Variants in KRTAP13-3 observed in about 807,000 individuals in gnomAD.
KRTAP13-3 encodes keratin-associated protein 13-3.
For missense variants in KRTAP13-3, 243 were observed against 202.8 expected (o/e 1.20, Z -1.20); for synonymous variants, 98 against 79.4 (o/e 1.23, Z -1.25).
At position 30,425,802 on chromosome 21, in the gene KRTAP13-3, G is replaced by A. The variant is rs148670815; in HGVS notation, c.111C>T (p.Ser37=). 8.1e-4 allele frequency: 1,301 copies of A among 1,614,188 alleles called. 6 individuals carry two copies. The African/African-American group carries it at 0.016, about 20-fold the overall frequency. Residue 37 remains serine, a synonymous_variant, in exon 1 of 1, where the codon AGC becomes AGT. Coordinates refer to ENST00000390690, the Ensembl canonical transcript of KRTAP13-3. ...AGGTGCTGGGAGAGCAGAGGTCAGT[G>A]CTGTAGACCAGGTTGCTGGGGTAGG...
At chr21:30,425,734 C>T in exon 1 of KRTAP13-3, 2 of 1,614,184 alleles carry the variant, frequency 1.2e-6, no homozygotes, top group Non-Finnish European at 1.7e-6. Flanking sequence ...GGGCCTCCAG[C>T]AGGTCTCCTG....
At chr21:30,425,506 G>A (rs375175044) in exon 1 of KRTAP13-3, 1 of 1,613,918 alleles carries the variant, frequency 6.2e-7, no homozygotes, top group Non-Finnish European at 8.5e-7. Context: ...GGAAGGGGAG[G>A]TATGGATTCT....
rs201193615 is a variant in KRTAP13-3, at chr21:30,425,463, G to C, written c.450C>G (p.Ile150Met). Residue 150 changes from isoleucine to methionine, a missense_variant, in exon 1 of 1, where the codon ATC (isoleucine) becomes ATG (methionine). Transcript: ENST00000390690. Reference sequence around the variant, plus strand: ...GGAACCACCTTCTAGGTGGAAAATAGATTGGATGGCAGAATCTGGATCTAT... The same window carrying C: ...GGAACCACCTTCTAGGTGGAAAATACATTGGATGGCAGAATCTGGATCTAT... 24 of 1,610,454 alleles carry C rather than the reference G, an allele frequency of 1.5e-5. No individual in the cohort carries two copies. The Admixed American group carries it at 3.0e-4, about 20-fold the overall frequency.
chr21:30,425,779 G>T, exon 1 of KRTAP13-3: 1 of 1,614,232 alleles, frequency 6.2e-7, no homozygotes, highest in Non-Finnish European at 8.5e-7. Context: ...CAGCTGGCAG[G>T]TGCTGGGAGA....
At chr21:30,425,710 G>A (rs777634902) in exon 1 of KRTAP13-3, 1 of 1,613,990 alleles carries the variant, frequency 6.2e-7, no homozygotes, top group African/African-American at 1.3e-5. Context: ...AACACACAAT[G>A]TCTGACAGCT....
chr21:30,425,428 C>T (rs757298856), exon 1 of KRTAP13-3: 45 of 1,584,882 alleles, frequency 2.8e-5, no homozygotes, highest in Non-Finnish European at 6.9e-6. Flanking sequence ...TGGCTGATAA[C>T]AAGATGAATG....
chr21:30,425,663 T>C (rs1479551525), exon 1 of KRTAP13-3: 2 of 1,614,060 alleles, frequency 1.2e-6, no homozygotes, highest in East Asian at 2.2e-5. Context: ...ATGTGAGTCC[T>C]GGGGTAGTAG....
chr21:30,425,665 G>T (rs1984278800), exon 1 of KRTAP13-3: 7 of 1,614,156 alleles, frequency 4.3e-6, no homozygotes, highest in Non-Finnish European at 5.9e-6. Context: ...GTGAGTCCTG[G>T]GGTAGTAGCA....
At chr21:30,425,550 G>A (rs776886653) in exon 1 of KRTAP13-3, 15 of 1,613,982 alleles carry the variant, frequency 9.3e-6, no homozygotes, top group Admixed American at 3.3e-5. Flanking sequence ...TGGATCCACA[G>A]CCCAGTGAGG....
At chr21:30,425,424 A>T in the KRTAP13-3 span, 1 of 1,581,780 alleles carries the variant, frequency 6.3e-7, no homozygotes. Flanking sequence ...AGAATGGCTG[A>T]TAACAAGATG....
At chr21:30,425,883 G>C in exon 1 of KRTAP13-3, 4 of 1,613,570 alleles carry the variant, frequency 2.5e-6, no homozygotes, top group Non-Finnish European at 3.4e-6. Context: ...AGCAGGAGGA[G>C]AAGTTTCTAG....
exon 1 of KRTAP13-3, chr21:30,425,412 A>G: frequency 1.9e-6 from 3 of 1,569,338 alleles, no homozygotes; most frequent in South Asian, 1.2e-5. Context: ...AACCAGATCT[A>G]CAGAATGGCT....
exon 1 of KRTAP13-3, chr21:30,425,868 G>A (rs761771197): frequency 9.9e-6 from 16 of 1,613,854 alleles, no homozygotes; most frequent in African/African-American, 4.0e-5. Flanking sequence ...AGTAACCCCC[G>A]TGGGAGCAGG....
exon 1 of KRTAP13-3, chr21:30,425,387 A>T: frequency 6.5e-7 from 1 of 1,533,474 alleles, no homozygotes; most frequent in Non-Finnish European, 8.8e-7. Flanking sequence ...ACCAGTCACC[A>T]CATTAGTCAG....
chr21:30,425,447 T>G, exon 1 of KRTAP13-3: 2 of 1,603,678 alleles, frequency 1.2e-6, no homozygotes, highest in Non-Finnish European at 1.7e-6. Flanking sequence ...TGGAACCACC[T>G]TCTAGGTGGA....
Position 30,425,867 on chromosome 21 carries a change from C to T in KRTAP13-3, c.46G>A (p.Gly16Arg), listed in dbSNP as rs201460500. ...GAGCCTGGGTAGTGCAAGTAACCCCCGTGGGAGCAGGAGGAGAAGTTTCTA... is the reference window on the plus strand; with the variant it reads ...GAGCCTGGGTAGTGCAAGTAACCCCTGTGGGAGCAGGAGGAGAAGTTTCTA... Residue 16 changes from glycine (G) to arginine (R), a missense_variant, in exon 1 of 1, where the codon GGG (glycine) becomes AGG (arginine). Transcript: ENST00000390690. 3.7e-5 allele frequency: 60 copies of T among 1,613,862 alleles called. No homozygotes were observed. In the East Asian group the frequency reaches 8.2e-4, roughly 22 times the overall value.
exon 1 of KRTAP13-3, chr21:30,425,458 A>C: frequency 6.2e-7 from 1 of 1,609,314 alleles, no homozygotes; most frequent in Non-Finnish European, 8.5e-7. Context: ...TCTAGGTGGA[A>C]AATAGATTGG....
At chr21:30,425,873 A>T (rs1264771191) in exon 1 of KRTAP13-3, 1 of 1,613,870 alleles carries the variant, frequency 6.2e-7, no homozygotes, top group African/African-American at 1.3e-5. Flanking sequence ...CCCCCGTGGG[A>T]GCAGGAGGAG....
At chr21:30,425,381 G>C (rs776094943) in exon 1 of KRTAP13-3, 1 of 1,522,586 alleles carries the variant, frequency 6.6e-7, no homozygotes. Flanking sequence ...AGTTTTACCA[G>C]TCACCACATT....
Sources: allele counts gnomAD v4.1 joint callset, GRCh38; gene constraint gnomAD v4.1.1; transcripts MANE v1.5; gene names NCBI Gene and HGNC (gene_info 2026-07-23, HGNC 2026-07-21).